The following PRKCA variants were observed in gnomAD, a reference collection of about 807,000 sequenced individuals.
The protein encoded by PRKCA is protein kinase C alpha, also known as protein kinase C alpha type.
Under a neutral mutation model 87.0 loss-of-function variants are expected in PRKCA, and 27 were observed. The observed-to-expected ratio is 0.31, with a 90% CI of 0.23 to 0.43. The LOEUF (loss-of-function observed/expected upper bound fraction) is 0.43, where lower values mean the gene tolerates loss of function less well. Ranked by LOEUF, PRKCA falls within the 20% of genes least tolerant of loss-of-function variation. The pLI is 1.00. For synonymous variants in PRKCA, 329 were observed against 311.1 expected (o/e 1.06, Z -0.61); for missense variants, 518 against 852.3 (o/e 0.61, Z 4.88).
chr17:66,748,231 C>T (rs1312604710), intron 13 of PRKCA, among the ~76,000 whole-genome samples: 1 of 152,202 alleles, frequency 6.6e-6, no homozygotes, highest in African/African-American at 2.4e-5. Flanking sequence ...TCTGCGTTCC[C>T]GCCCTACAGG....
intron 3 of PRKCA, among the ~76,000 whole-genome samples, chr17:66,566,506 A>G (rs1272984383): frequency 1.5e-5 from 2 of 130,706 alleles, no homozygotes; most frequent in South Asian, 4.7e-4. Context: ...TTTTTTTGCA[A>G]CAGCTTTCCC....
At chr17:66,406,585 G>GTTTTTTTTTTTT (rs71160568) in intron 2 of PRKCA, among the ~76,000 whole-genome samples, 4,841 of 69,934 alleles carry the variant, frequency 0.069, 939 homozygotes, top group Non-Finnish European at 0.095. Flanking sequence ...GCTTTTCCAG[G>GTTTTTTTTTTTT]TTTTTTTTTT....
intron 14 of PRKCA, among the ~76,000 whole-genome samples, chr17:66,780,879 G>A (rs1244255465): frequency 2.0e-5 from 3 of 151,584 alleles, no homozygotes; most frequent in East Asian, 3.9e-4. Flanking sequence ...AGGCCAAGGC[G>A]GGCAGATCAC....
At chr17:66,711,438 A>G (rs1278217355) in intron 8 of PRKCA, among the ~76,000 whole-genome samples, 1 of 152,038 alleles carries the variant, frequency 6.6e-6, no homozygotes, top group Admixed American at 6.6e-5. Flanking sequence ...TGTTTTCCCA[A>G]CTCAATCGTT....
At chr17:66,522,697 A>G (rs1967203730) in intron 3 of PRKCA, among the ~76,000 whole-genome samples, 1 of 151,932 alleles carries the variant, frequency 6.6e-6, no homozygotes, top group African/African-American at 2.4e-5. Context: ...CACACAGTTT[A>G]TGTGCATAGC....
intron 2 of PRKCA, among the ~76,000 whole-genome samples, chr17:66,318,554 C>G (rs1254996617): frequency 6.6e-6 from 1 of 152,010 alleles, no homozygotes; most frequent in African/African-American, 2.4e-5. Flanking sequence ...AGTTGGTATG[C>G]TTAAGACTTG....
chr17:66,787,049 A>G (rs1265338916), intron 15 of PRKCA, 75 bp downstream of exon 15: 3 of 1,133,120 alleles, frequency 2.6e-6, no homozygotes, highest in Admixed American at 3.4e-5. Flanking sequence ...CCACACTTCT[A>G]AGAGAGATGG....
At position 66,617,851 on chromosome 17, in the gene PRKCA, T is replaced by C. The variant is rs530433001; in HGVS notation, c.289-23504T>C. On this transcript the variant is annotated intron_variant, in intron 3 of 16. Transcript: ENST00000413366. The stretch of plus-strand genomic sequence containing the variant: ...TGTTACAATGAGAGAGCCATTCTTA[T>C]TTTTTTGAACCAAGATTGAGAGTTT... Among the ~76,000 whole-genome samples the C allele has an allele frequency of 2.6e-5, 4 of 152,306 alleles. No individual in the cohort carries two copies. The South Asian group carries it at 8.3e-4, about 32-fold the overall frequency.
intron 2 of PRKCA, among the ~76,000 whole-genome samples, chr17:66,323,711 G>A (rs920834558): frequency 2.0e-5 from 3 of 151,960 alleles, no homozygotes; most frequent in Non-Finnish European, 2.9e-5. Flanking sequence ...AGTCCGAGGC[G>A]GGTGGATCAC....
chr17:66,720,387 GCAT>G (rs1312466731), intron 8 of PRKCA, among the ~76,000 whole-genome samples: 1 of 152,198 alleles, frequency 6.6e-6, no homozygotes, highest in Non-Finnish European at 1.5e-5. Flanking sequence ...CCATTAAGTA[GCAT>G]CATTTTAACC....
intron 3 of PRKCA, among the ~76,000 whole-genome samples, chr17:66,571,742 C>T (rs948376830): frequency 6.6e-6 from 1 of 152,182 alleles, no homozygotes; most frequent in African/African-American, 2.4e-5. Context: ...ATAAAACCTT[C>T]CACGGAACCT....
chr17:66,752,025 C>T (rs1974442112), intron 13 of PRKCA, among the ~76,000 whole-genome samples: 2 of 152,344 alleles, frequency 1.3e-5, no homozygotes, highest in South Asian at 2.1e-4. Context: ...CTGGGGATTA[C>T]ATTTCAACAT....
chr17:66,778,272 G>C (rs538678550), intron 14 of PRKCA: 11 of 920,440 alleles, frequency 1.2e-5, no homozygotes, highest in Non-Finnish European at 1.3e-5. Flanking sequence ...CCAGCACTTC[G>C]GGAGGCCGAG....
chr17:66,683,410 T>C (rs1242634316), intron 5 of PRKCA, among the ~76,000 whole-genome samples: 1 of 152,224 alleles, frequency 6.6e-6, no homozygotes. Flanking sequence ...CACCTGAGAC[T>C]CACCTGGGGA....
At chr17:66,710,861 C>T (rs1432666445) in intron 8 of PRKCA, among the ~76,000 whole-genome samples, 1 of 150,788 alleles carries the variant, frequency 6.6e-6, no homozygotes, top group African/African-American at 2.4e-5. Flanking sequence ...GAAACCCCGT[C>T]TCTACCAAAA....
chr17:66,728,329 C>G (rs1003808440), intron 8 of PRKCA, among the ~76,000 whole-genome samples: 37 of 152,148 alleles, frequency 2.4e-4, no homozygotes, highest in Non-Finnish European at 8.8e-5. Flanking sequence ...TGCCCTGGAC[C>G]CCACACACCG....
rs890232671 is a variant in PRKCA at position 66,810,700 on chromosome 17, G to A, written c.*6663G>A. 6.6e-6 allele frequency: 1 copy of A among 151,838 alleles called. No homozygotes were observed. Among genetic ancestry groups the A allele is most frequent in the African/African-American group, 2.4e-5 (1 of 41,326 alleles). 9.4% of individuals were successfully genotyped at this position (151,838 alleles called of 1,614,324 possible). On this transcript the variant is annotated 3_prime_UTR_variant, in exon 17 of 17. Coordinates refer to ENST00000413366, the MANE Select transcript of PRKCA (RefSeq NM_002737.3). ...ATACGCTTTGTTAGAAACATTAATT[G>A]TAGTTTGGAAGCAAGTGTGTATGAA...
intron 2 of PRKCA, among the ~76,000 whole-genome samples, chr17:66,418,855 C>A (rs1389833685): frequency 6.6e-6 from 1 of 151,896 alleles, no homozygotes; most frequent in Non-Finnish European, 1.5e-5. Flanking sequence ...GTGTTCACGC[C>A]ATTCTCCTAC....
chr17:66,587,730 CATATATACGTATATGTGTGTATATGTA>C (rs1364364595), intron 3 of PRKCA, among the ~76,000 whole-genome samples: 6,512 of 77,234 alleles, frequency 0.084, 739 homozygotes, highest in Non-Finnish European at 0.11. Context: ...TATATGTATA[CATATATACGTATATGTGTGTATATGTA>C]TACATATATA....
Sources: allele counts gnomAD v4.1 joint callset (sites outside exome capture counted in the v4.1 genomes callset), GRCh38; gene constraint gnomAD v4.1.1; transcripts MANE v1.5; gene names NCBI Gene and HGNC (gene_info 2026-07-23, HGNC 2026-07-21).